PCDHGA7: variants seen among roughly 807,000 people sequenced by gnomAD.
PCDHGA7 encodes protocadherin gamma-A7.
A neutral mutation model predicts 58.3 loss-of-function variants in PCDHGA7; 44 were observed. That is an observed-to-expected ratio of 0.75 (90% CI 0.59 to 0.97). The LOEUF (loss-of-function observed/expected upper bound fraction) is 0.97. PCDHGA7 is among the 50% of genes least tolerant of loss of function. PCDHGA7 has a pLI of 0.00. For missense variants in PCDHGA7, 1,266 were observed against 1,188.7 expected, an observed-to-expected ratio of 1.06 and a Z score of -0.96; for synonymous variants, 516 against 504.2, an observed-to-expected ratio of 1.02 and a Z score of -0.31.
At chr5:141,419,093 C>T (rs1191453038) in intron 1 of PCDHGA7, 4 of 1,613,916 alleles carry the variant, frequency 2.5e-6, no homozygotes, top group South Asian at 1.1e-5. Flanking sequence ...GGCCCTGGAT[C>T]GGGAGCAGAC....
In PCDHGA7 at chr5:141,383,378, C is replaced by A. The variant is rs753458256; in HGVS notation, c.479C>A (p.Pro160Gln). The A allele has an allele frequency of 8.1e-6, 13 of 1,613,884 alleles. No homozygotes were observed. Among genetic ancestry groups the A allele is most frequent in the Non-Finnish European group, 1.1e-5 (13 of 1,179,906 alleles). The change falls in exon 1 of 4, where the codon CCA becomes CAA. Residue 160 changes from proline to glutamine, a missense_variant. Physicochemically the swap from Pro to Gln is moderately conservative, Grantham distance 76. Coordinates refer to ENST00000518325, the MANE Select transcript of PCDHGA7 (RefSeq NM_018920.4). ...VRFPLSEAGD[P>Q]DVGTNSLQSY... The stretch of plus-strand genomic sequence containing the variant: ...TTTCCGTTAAGCGAGGCTGGGGATC[C>A]AGATGTGGGCACGAACTCCCTCCAG...
At chr5:141,460,981 GTGTATATA>G (rs1342006423) in intron 1 of PCDHGA7, among the ~76,000 whole-genome samples, 30 of 121,890 alleles carry the variant, frequency 2.5e-4, no homozygotes, top group African/African-American at 5.8e-4. Flanking sequence ...GTGTGTGTGT[GTGTATATA>G]TATATATGTG....
rs1228153118 is a variant in PCDHGA7 at position 141,433,077 on chromosome 5, C to G, written c.2424+47754C>G. 5.0e-6 allele frequency: 8 copies of G among 1,614,080 alleles called. No homozygotes were observed. The African/African-American group carries it at 6.7e-5, about 13-fold the overall frequency. On this transcript the variant is annotated intron_variant, in intron 1 of 3. Transcript: ENST00000518325. Reference sequence around the variant, plus strand: ...AAGAGTCACCTGATCTTCCCCCAGCCCAACTATGCAGACATGCTCGTCAGC... The same window carrying G: ...AAGAGTCACCTGATCTTCCCCCAGCGCAACTATGCAGACATGCTCGTCAGC...
Position 141,486,683 on chromosome 5 carries a change from G to T in PCDHGA7, c.2425-8124G>T. The T allele has an allele frequency of 6.2e-7, 1 of 1,614,092 alleles. No homozygotes were observed. Among genetic ancestry groups the T allele is most frequent in the Non-Finnish European group, 8.5e-7 (1 of 1,180,026 alleles). ...GGAGCCCAGGAATCGAGATGTATCA[G>T]CTTCCTCTTTCATCTCTCTGAACCC... On this transcript the variant is annotated intron_variant, in intron 1 of 3. Transcript: ENST00000518325. This position sits in a 1 kb window ranked among gnomAD's most constrained non-coding sequence, Gnocchi z 5.0.
rs2099750805 is a variant in PCDHGA7, at chr5:141,493,915, T to C, written c.2425-892T>C. ...TGCTCCATGAGAGTGTGTGATGGGA[T>C]AACACACCCCCTGGAAAGACCAGAA... On this transcript the variant is annotated intron_variant, in intron 1 of 3. Transcript: ENST00000518325. This position sits in a 1 kb window ranked among gnomAD's most constrained non-coding sequence, Gnocchi z 4.3. Among the ~76,000 whole-genome samples, 1 of 152,024 alleles carries C rather than the reference T, an allele frequency of 6.6e-6. No homozygotes were observed. Among genetic ancestry groups the C allele is most frequent in the African/African-American group, 2.4e-5 (1 of 41,386 alleles).
At chr5:141,478,816 A>G in intron 1 of PCDHGA7, 1 of 1,450,826 alleles carries the variant, frequency 6.9e-7, no homozygotes, top group Non-Finnish European at 9.1e-7. Context: ...TATCACAACT[A>G]ACCAATCTTG....
intron 1 of PCDHGA7, chr5:141,403,191 G>T (rs368387997): frequency 6.2e-7 from 1 of 1,613,994 alleles, no homozygotes; most frequent in Non-Finnish European, 8.5e-7. Flanking sequence ...CTGAACCCGC[G>T]CAGCGGCACC....
rs778744503 is a variant in PCDHGA7, at chr5:141,511,152, G to A, written c.2778G>A (p.Ser926=). Residue 926 remains serine (S), a synonymous_variant, in exon 4 of 4, where the codon TCG becomes TCA. Transcript: ENST00000518325. The part of the protein sequence containing the change: ...PAGGNGNKKK[S]GKKEKK ...GTGGCAATGGCAACAAGAAGAAGTCGGGCAAGAAGGAGAAGAAGTAACATG... is the reference window on the plus strand; with the variant it reads ...GTGGCAATGGCAACAAGAAGAAGTCAGGCAAGAAGGAGAAGAAGTAACATG... The A allele has an allele frequency of 2.0e-5, 32 of 1,614,022 alleles. No individual in the cohort carries two copies. Among genetic ancestry groups the A allele is most frequent in the South Asian group, 4.4e-5 (4 of 91,090 alleles).
chr5:141,386,522 C>CG (rs1554089719), intron 1 of PCDHGA7, among the ~76,000 whole-genome samples: 3 of 152,174 alleles, frequency 2.0e-5, no homozygotes, highest in Admixed American at 2.0e-4. Context: ...CAAAAAAAGA[C>CG]TCTTTTTAGA....
Position 141,501,330 on chromosome 5 carries a change from CA to C in PCDHGA7, c.2484-4062del, listed in dbSNP as rs1562200936. 1.8e-3 allele frequency among the ~76,000 whole-genome samples: 266 copies of C among 151,500 alleles called. 1 individual carries two copies. Among genetic ancestry groups the C allele is most frequent in the African/African-American group, 5.1e-3 (210 of 41,250 alleles). On this transcript the variant is annotated intron_variant, in intron 2 of 3. Transcript: ENST00000518325. ...ACACACACACACACACACACACACACACACCCCAAACTCAATAGGGCAAGAA... is the reference window on the plus strand; with the variant it reads ...ACACACACACACACACACACACACACCACCCCAAACTCAATAGGGCAAGAA...
At position 141,491,410 on chromosome 5, in the gene PCDHGA7, G is replaced by A. The variant is rs777207581; in HGVS notation, c.2425-3397G>A. The A allele has an allele frequency of 1.9e-6, 3 of 1,614,024 alleles. No homozygotes were observed. Among genetic ancestry groups the A allele is most frequent in the Admixed American group, 1.7e-5 (1 of 60,006 alleles). ...GTGCCTTCAGGGAAACGCAGACGGGGACGGGGGTGGAGGGCAGTGCTGCAG... is the reference window on the plus strand; with the variant it reads ...GTGCCTTCAGGGAAACGCAGACGGGAACGGGGGTGGAGGGCAGTGCTGCAG... On this transcript the variant is annotated intron_variant, in intron 1 of 3. Transcript: ENST00000518325. The surrounding 1 kb of genome is among the most constrained non-coding windows in gnomAD (Gnocchi z 6.9).
chr5:141,410,549 G>T, intron 1 of PCDHGA7: 1 of 1,613,438 alleles, frequency 6.2e-7, no homozygotes, highest in East Asian at 2.2e-5. Context: ...GGTTTGCAGT[G>T]TTTCTCCTGG....
rs1007318194 is a variant in PCDHGA7, at chr5:141,512,035, T to G, written c.*862T>G. On this transcript the variant is annotated 3_prime_UTR_variant, in exon 4 of 4. Coordinates refer to ENST00000518325, the MANE Select transcript of PCDHGA7 (RefSeq NM_018920.4). ...AAGTTATCAAGGCCTTGGAGGAGGC[T>G]CTGTATGTCCTCAGGGGACTGACAA... 1.3e-5 allele frequency: 2 copies of G among 152,870 alleles called. No individual in the cohort carries two copies. Among genetic ancestry groups the G allele is most frequent in the African/African-American group, 4.8e-5 (2 of 41,464 alleles). The allele number at this position is 152,870 out of a possible 1,614,324, so 9.5% of individuals were successfully genotyped here.
chr5:141,388,708 C>A lies in PCDHGA7; in HGVS notation c.2424+3385C>A, dbSNP rs764003797. On this transcript the variant is annotated intron_variant, in intron 1 of 3. Transcript: ENST00000518325. ...ACGGACCAGGATGAGGGTGTCAATG[C>A]CGAGATTACTTTCTCTTTCAGTGAA... 1.9e-6 allele frequency: 3 copies of A among 1,613,842 alleles called. No individual in the cohort carries two copies. The highest frequency in any genetic ancestry group is 2.5e-6 in the Non-Finnish European group (3 of 1,179,882).
chr5:141,415,761 T>TG (rs1485369884), intron 1 of PCDHGA7: 1 of 1,399,490 alleles, frequency 7.1e-7, no homozygotes, highest in Non-Finnish European at 9.3e-7. Flanking sequence ...TTTTTTTTTT[T>TG]TTTTTTTTTT....
chr5:141,390,851 G>T (rs2092239783), intron 1 of PCDHGA7: 1 of 157,664 alleles, frequency 6.3e-6, no homozygotes. Context: ...ATTATATGCA[G>T]TGTACGCTGT....
intron 1 of PCDHGA7, among the ~76,000 whole-genome samples, chr5:141,460,104 T>C (rs2098982178): frequency 6.6e-6 from 1 of 151,986 alleles, no homozygotes; most frequent in African/African-American, 2.4e-5. Flanking sequence ...CATGTAATTA[T>C]ATATGATTTT....
Position 141,511,643 on chromosome 5 carries a change from C to T in PCDHGA7, c.*470C>T, listed in dbSNP as rs937995879. ...TGAAAAGTTGGAAGGGCATCATGACCTCTTGGCCTCTCCTTTGATTCTCAA... is the reference window on the plus strand; with the variant it reads ...TGAAAAGTTGGAAGGGCATCATGACTTCTTGGCCTCTCCTTTGATTCTCAA... On this transcript the variant is annotated 3_prime_UTR_variant, in exon 4 of 4. Coordinates refer to ENST00000518325, the MANE Select transcript of PCDHGA7 (RefSeq NM_018920.4). 4 of 218,904 alleles carry T rather than the reference C, an allele frequency of 1.8e-5. No homozygotes were observed. The highest frequency in any genetic ancestry group is 5.2e-5 in the Admixed American group (1 of 19,306). 13.6% of individuals were successfully genotyped at this position (218,904 alleles called of 1,614,324 possible). A position where few individuals can be genotyped will look rare whatever the true frequency, so the allele number is the denominator to read the frequency against.
At chr5:141,410,364 C>A in intron 1 of PCDHGA7, 1 of 1,614,064 alleles carries the variant, frequency 6.2e-7, no homozygotes, top group Non-Finnish European at 8.5e-7. Flanking sequence ...TCTCTCAGCC[C>A]TGCTACTTGG....
Sources: gnomAD v4.1 joint callset for allele counts (sites outside exome capture counted in the v4.1 genomes callset) on GRCh38, gnomAD v4.1.1 for gene constraint, Gnocchi (gnomAD v3.1) non-coding constraint, MANE v1.5 for transcripts, NCBI Gene and HGNC (gene_info 2026-07-23, HGNC 2026-07-21) for gene names.